Variants in COL6A3 observed in about 807,000 individuals in gnomAD.
The protein encoded by COL6A3 is collagen type VI alpha 3 chain.
In COL6A3, 137 loss-of-function variants were observed where a neutral mutation model predicts 274.1. The ratio of observed to expected loss-of-function variants is 0.50; its 90% CI spans 0.44 to 0.58. The LOEUF (loss-of-function observed/expected upper bound fraction) is 0.58. Ranked by LOEUF, COL6A3 falls within the 20% of genes least tolerant of loss-of-function variation. The pLI, the probability that COL6A3 is intolerant of heterozygous loss-of-function variation, is 0.00. For missense variants in COL6A3, 3,950 were observed against 4,124.9 expected, an observed-to-expected ratio of 0.96 and a Z score of 1.16; for synonymous variants, 1,650 against 1,650.6, an observed-to-expected ratio of 1.00 and a Z score of 0.01.
rs111232447 is a variant in COL6A3, at chr2:237,338,568, G to A, written c.8567+447C>T. ...ATTTGAGTTCAGGAGTTCTAGACAA[G>A]GCTGGACAACATGGCGAAACCCCAT... On this transcript the variant is annotated intron_variant, in intron 39 of 43. Coordinates refer to ENST00000295550, the MANE Select transcript of COL6A3 (RefSeq NM_004369.4). Among the ~76,000 whole-genome samples, 575 of 152,212 alleles carry A rather than the reference G, an allele frequency of 3.8e-3. 7 individuals are homozygous for A. Among genetic ancestry groups the A allele is most frequent in the African/African-American group, 0.013 (539 of 41,538 alleles).
In COL6A3 at chr2:237,344,668, G is replaced by A; in HGVS notation, c.7350C>T (p.Tyr2450=). ...GGATCTCCGTGGTCACCTCGTTGTT[G>A]TAGGTGACCACAGCCACCCGGGCCC... is the stretch of plus-strand genomic sequence containing the variant. ...PRGARVAVVT[Y]NNEVTTEIRF... The change falls in exon 36 of 44, where the codon TAC becomes TAT. Residue 2450 remains tyrosine (Y), a synonymous_variant. Coordinates refer to ENST00000295550, the MANE Select transcript of COL6A3 (RefSeq NM_004369.4). The surrounding 1 kb of genome is among the most constrained non-coding windows in gnomAD (Gnocchi z 4.8). 6.2e-7 allele frequency: 1 copy of A among 1,612,350 alleles called. No homozygotes were observed. Among genetic ancestry groups the A allele is most frequent in the Non-Finnish European group, 8.5e-7 (1 of 1,178,698 alleles).
intron 8 of COL6A3, 34 bp from the exon 9 acceptor site, chr2:237,372,371 A>G (rs1241231250): frequency 3.7e-6 from 6 of 1,600,568 alleles, no homozygotes; most frequent in Non-Finnish European, 5.1e-6. Context: ...CTTCACCTTC[A>G]TCGTCACCAA....
chr2:237,339,599 C>T (rs2076942311), intron 38 of COL6A3, among the ~76,000 whole-genome samples: 1 of 152,186 alleles, frequency 6.6e-6, no homozygotes, highest in Non-Finnish European at 1.5e-5. Context: ...GGGGCCAGAC[C>T]TTCACAAATG....
chr2:237,364,357 G>A lies in COL6A3; in HGVS notation c.5910C>T (p.Arg1970=), dbSNP rs727503884. The stretch of plus-strand genomic sequence containing the variant: ...GAAAGCCTTGGCACCTACCTTCTTG[G>A]CGGAGGTTCTCAGATGCTCTGTGTA... ...ADLHRASENL[R]QEGVRALILV... is the part of the protein sequence containing the mutation. Residue 1970 remains arginine, a synonymous_variant, in exon 13 of 44, where the codon CGC becomes CGT. Transcript: ENST00000295550. This position sits in a 1 kb window ranked among gnomAD's most constrained non-coding sequence, Gnocchi z 4.6. 1.9e-6 allele frequency: 3 copies of A among 1,613,500 alleles called. No homozygotes were observed. The highest frequency in any genetic ancestry group is 1.3e-5 in the African/African-American group (1 of 75,028).
rs1286385833 is a variant in COL6A3, at chr2:237,369,085, T to C, written c.4378A>G (p.Ser1460Gly). Residue 1460 changes from serine (S) to glycine (G), a missense_variant, in exon 10 of 44, where the codon AGC (serine) becomes GGC (glycine). Ser to Gly is a moderately conservative substitution (Grantham distance 56). Coordinates refer to ENST00000295550, the MANE Select transcript of COL6A3 (RefSeq NM_004369.4). The part of the protein sequence containing the change: ...DGFAHIRDFV[S>G]RIVRRLNIGP... ...ATGTTGAGTCTTCGAACAATCCTGC[T>C]AACAAAATCTCGAATATGTGCAAAG... is the stretch of plus-strand genomic sequence containing the variant. The C allele has an allele frequency of 5.0e-6, 8 of 1,614,234 alleles. No individual in the cohort carries two copies. The highest frequency in any genetic ancestry group is 6.8e-6 in the Non-Finnish European group (8 of 1,180,048).
intron 11 of COL6A3, 34 bp downstream of exon 11, chr2:237,366,653 A>T: frequency 6.2e-7 from 1 of 1,614,220 alleles, no homozygotes; most frequent in Non-Finnish European, 8.5e-7. Flanking sequence ...TGTCAACAGG[A>T]AAGGATGGAA....
At chr2:237,390,617 G>T (rs899138360) in intron 3 of COL6A3, among the ~76,000 whole-genome samples, 1 of 152,210 alleles carries the variant, frequency 6.6e-6, no homozygotes, top group African/African-American at 2.4e-5. Flanking sequence ...GTTTTACAGT[G>T]TCCAAGGAAA....
chr2:237,368,746 C>T lies in COL6A3; in HGVS notation c.4717G>A (p.Val1573Ile). 6.2e-7 allele frequency: 1 copy of T among 1,614,188 alleles called. No homozygotes were observed. Among genetic ancestry groups the T allele is most frequent in the African/African-American group, 1.3e-5 (1 of 75,040 alleles). The change falls in exon 10 of 44, where the codon GTA becomes ATA. Residue 1573 changes from valine to isoleucine, a missense_variant. This residue lies in a region of COL6A3 where 632 missense variants were observed against 623.4 expected (regional missense o/e 1.01). Transcript: ENST00000295550. The surrounding 1 kb of genome is among the most constrained non-coding windows in gnomAD (Gnocchi z 4.4). The part of the protein sequence containing the change: ...IRSSGIVSLG[V>I]GDRNIDRTEL... ...GTTCTGTCGATGTTCCGGTCTCCTA[C>T]CCCTAAACTCACAATGCCCGAGGAA...
At chr2:237,393,094 A>G (rs976409693) in intron 3 of COL6A3, among the ~76,000 whole-genome samples, 1 of 152,186 alleles carries the variant, frequency 6.6e-6, no homozygotes, top group Admixed American at 6.5e-5. Context: ...AGGCTGTTTC[A>G]GGAATTTACT....
chr2:237,353,382 G>T lies in COL6A3; in HGVS notation c.6649C>A (p.Gln2217Lys). 2 of 1,614,134 alleles carry T rather than the reference G, an allele frequency of 1.2e-6. No homozygotes were observed. The highest frequency in any genetic ancestry group is 1.7e-6 in the Non-Finnish European group (2 of 1,180,030). The change falls in exon 25 of 44, where the codon CAG (glutamine) becomes AAG (lysine). Residue 2217 changes from glutamine (Q) to lysine (K), a missense_variant. Around this residue, in one of 5 missense-constraint regions of COL6A3, gnomAD observed 1,284 missense variants for 1,349.7 expected, o/e 0.95. Transcript: ENST00000295550. ...CCCTGCTCTCCCTCAAAGCCCGGCT[G>T]GCCAGGACCGCCCTTGTTGCCCTTT... ...GAKGNKGGPG[Q>K]PGFEGEQGTR... is the part of the protein sequence containing the mutation.
intron 9 of COL6A3, among the ~76,000 whole-genome samples, chr2:237,370,483 C>T (rs1559242614): frequency 6.6e-6 from 1 of 151,866 alleles, no homozygotes; most frequent in African/African-American, 2.4e-5. Context: ...ATGATCAGCC[C>T]ACCTCGGCCT....
Position 237,413,984 on chromosome 2 carries a change from G to T in COL6A3, c.-62C>A, listed in dbSNP as rs1175865465. Reference sequence around the variant, plus strand: ...GCAAACCTGAAGGCGTGTGTCCCTGGGCTCCTCGATTCAATTAGGTTTGAA... The same window carrying T: ...GCAAACCTGAAGGCGTGTGTCCCTGTGCTCCTCGATTCAATTAGGTTTGAA... On this transcript the variant is annotated 5_prime_UTR_variant, in exon 1 of 44. Transcript: ENST00000295550. This position sits in a 1 kb window ranked among gnomAD's most constrained non-coding sequence, Gnocchi z 4.0. The T allele has an allele frequency of 6.6e-6, 1 of 152,112 alleles. No homozygotes were observed. Among genetic ancestry groups the T allele is most frequent in the Non-Finnish European group, 1.5e-5 (1 of 68,010 alleles). 9.4% of individuals were successfully genotyped at this position (152,112 alleles called of 1,614,324 possible).
At chr2:237,325,994 G>A (rs1699923352) in intron 42 of COL6A3, 1 of 332,644 alleles carries the variant, frequency 3.0e-6, no homozygotes, top group Non-Finnish European at 5.4e-6. Context: ...GCTGGCAATG[G>A]TTATTGAATA....
intron 6 of COL6A3, among the ~76,000 whole-genome samples, chr2:237,378,360 C>T (rs2077905949): frequency 6.6e-6 from 1 of 152,218 alleles, no homozygotes; most frequent in Non-Finnish European, 1.5e-5. Context: ...AGAATCCTCA[C>T]AGTCATTAGA....
chr2:237,348,326 T>C, intron 30 of COL6A3, 23 bp downstream of exon 30: 1 of 1,600,962 alleles, frequency 6.2e-7, no homozygotes, highest in Non-Finnish European at 8.6e-7. Context: ...ATGATGATGC[T>C]TCACCGACCA....
In COL6A3 at chr2:237,330,663, CA is replaced by C. The variant is rs528322963; in HGVS notation, c.9328+2786del. Among the ~76,000 whole-genome samples, 10 of 152,330 alleles carry C rather than the reference CA, an allele frequency of 6.6e-5. No individual in the cohort carries two copies. The South Asian group carries it at 2.1e-3, about 32-fold the overall frequency. On this transcript the variant is annotated intron_variant, in intron 42 of 43. Transcript: ENST00000295550. ...GAGAGTCTCCCTGCCACATACCAAA[CA>C]GGGCCAGATCTTATGGAGGACAAAA... is the stretch of plus-strand genomic sequence containing the variant.
In COL6A3 at chr2:237,361,227, A is replaced by G. The variant is rs1272339362; in HGVS notation, c.6157-53T>C. The G allele has an allele frequency of 7.8e-6, 12 of 1,546,798 alleles. No homozygotes were observed. On this transcript the variant is annotated intron_variant, in intron 15 of 43. Transcript: ENST00000295550. This position sits in a 1 kb window ranked among gnomAD's most constrained non-coding sequence, Gnocchi z 5.1. ...TTAATCCCGTGGTCTTCTTTGCTCT[A>G]CAGTAAGAATCCCTGTGGTCCCCCT...
chr2:237,388,275 C>T, intron 3 of COL6A3, 91 bp from the exon 4 acceptor site: 1 of 1,510,458 alleles, frequency 6.6e-7, no homozygotes, highest in Admixed American at 1.7e-5. Context: ...CTTTGGAAAC[C>T]AATAAGAAAC....
rs570419128 is a variant in COL6A3, at chr2:237,332,219, A to C, written c.9328+1231T>G. On this transcript the variant is annotated intron_variant, in intron 42 of 43. Coordinates refer to ENST00000295550, the MANE Select transcript of COL6A3 (RefSeq NM_004369.4). ...TACAATCTTGTCCCTTTTGGACCACACATAAGAGAATCAAAAACATCCCCA... is the reference window on the plus strand; with the variant it reads ...TACAATCTTGTCCCTTTTGGACCACCCATAAGAGAATCAAAAACATCCCCA... Among the ~76,000 whole-genome samples, 62 of 149,916 alleles carry C rather than the reference A, an allele frequency of 4.1e-4. No individual in the cohort carries two copies. In the South Asian group the frequency reaches 5.6e-3, roughly 13 times the overall value.
Sources: allele counts gnomAD v4.1 joint callset (sites outside exome capture counted in the v4.1 genomes callset), GRCh38; gene constraint gnomAD v4.1.1; regional missense constraint gnomAD v4.1.1; non-coding constraint Gnocchi (gnomAD v3.1); transcripts MANE v1.5; gene names NCBI Gene and HGNC (gene_info 2026-07-23, HGNC 2026-07-21).